The following IP6K2 variants were observed in gnomAD, a reference collection of about 807,000 sequenced individuals.
IP6K2 encodes the protein inositol hexakisphosphate kinase 2.
In IP6K2, 9 loss-of-function variants were observed where a neutral mutation model predicts 43.3. That is an observed-to-expected ratio of 0.21 (90% CI 0.13 to 0.36). The LOEUF (loss-of-function observed/expected upper bound fraction) is 0.36, where lower values mean the gene tolerates loss of function less well. Ranked by LOEUF, IP6K2 falls within the 10% of genes least tolerant of loss-of-function variation. The pLI is 1.00. For missense variants in IP6K2, 332 were observed against 538.4 expected, an observed-to-expected ratio of 0.62 and a Z score of 3.79; for synonymous variants, 209 against 202.4, an observed-to-expected ratio of 1.03 and a Z score of -0.28.
At chr3:48,697,788 C>T (rs963322700) in intron 1 of IP6K2, among the ~76,000 whole-genome samples, 1 of 152,122 alleles carries the variant, frequency 6.6e-6, no homozygotes, top group Admixed American at 6.6e-5. Context: ...AAGGGATCTG[C>T]CTGTCTCAGC....
At chr3:48,691,596 A>C (rs1476970149) in intron 3 of IP6K2, 114 bp from the exon 4 acceptor site, 1 of 689,474 alleles carries the variant, frequency 1.5e-6, no homozygotes, top group Non-Finnish European at 2.4e-6. Flanking sequence ...TGGGCAGATC[A>C]CTTGAGATCA....
chr3:48,701,424 G>C (rs945496965), intron 1 of IP6K2, among the ~76,000 whole-genome samples: 9 of 151,582 alleles, frequency 5.9e-5, no homozygotes, highest in Non-Finnish European at 1.2e-4. Context: ...AAAAGTAGCT[G>C]GGCGTGGTGG....
Position 48,693,093 on chromosome 3 carries a change from C to T in IP6K2, c.289G>A (p.Asp97Asn), listed in dbSNP as rs2077945746. Residue 97 changes from aspartate (D) to asparagine (N), a missense_variant, in exon 3 of 6, where the codon GAC (aspartate) becomes AAC (asparagine). Asp to Asn is a conservative substitution (Grantham distance 23, BLOSUM62 1). Coordinates refer to ENST00000328631, the MANE Select transcript of IP6K2 (RefSeq NM_016291.4). The stretch of plus-strand genomic sequence containing the variant: ...TCACAGTCTGAATTATCTACAATGT[C>T]CACAATTCCATGGTCCCCTTTCAAT... The part of the protein sequence containing the change: ...YPLKGDHGIV[D>N]IVDNSDCEPK... The T allele has an allele frequency of 1.2e-6, 2 of 1,614,014 alleles. No homozygotes were observed. The highest frequency in any genetic ancestry group is 1.3e-5 in the African/African-American group (1 of 74,936).
In IP6K2 at chr3:48,693,118, T is replaced by C. The variant is rs779291348; in HGVS notation, c.264A>G (p.Pro88=). 1.2e-6 allele frequency: 2 copies of C among 1,614,152 alleles called. No individual in the cohort carries two copies. The highest frequency in any genetic ancestry group is 1.3e-5 in the African/African-American group (1 of 74,952). Reference sequence around the variant, plus strand: ...CCACAATTCCATGGTCCCCTTTCAATGGATATGCTATTAGACACAAGTTCC... The same window carrying C: ...CCACAATTCCATGGTCCCCTTTCAACGGATATGCTATTAGACACAAGTTCC... ...EDRNLCLIAY[P]LKGDHGIVDI... is the part of the protein sequence containing the mutation. Residue 88 remains proline (P), a synonymous_variant, in exon 3 of 6, where the codon CCA becomes CCG. Transcript: ENST00000328631.
chr3:48,693,760 G>A, intron 2 of IP6K2: 2 of 1,038,194 alleles, frequency 1.9e-6, no homozygotes, highest in Non-Finnish European at 2.3e-6. Context: ...TAGGCACCCA[G>A]GCCTTTTGTT....
chr3:48,708,432 T>C (rs1178622125), intron 1 of IP6K2, among the ~76,000 whole-genome samples: 1 of 152,072 alleles, frequency 6.6e-6, no homozygotes. Flanking sequence ...GGGCTCACTA[T>C]GTTGCCCAGG....
At chr3:48,706,623 T>C (rs1349526736) in intron 1 of IP6K2, among the ~76,000 whole-genome samples, 1 of 152,094 alleles carries the variant, frequency 6.6e-6, no homozygotes, top group Non-Finnish European at 1.5e-5. Flanking sequence ...GCAGATCACT[T>C]AAGCTCAAGA....
chr3:48,696,209 A>G (rs536449236), intron 1 of IP6K2, among the ~76,000 whole-genome samples: 1 of 151,932 alleles, frequency 6.6e-6, no homozygotes, highest in Admixed American at 6.6e-5. Context: ...TATAAAATGC[A>G]TTTAAATACA....
At chr3:48,694,985 T>C (rs1178519721) in intron 2 of IP6K2, 105 bp downstream of exon 2, 8 of 1,604,462 alleles carry the variant, frequency 5.0e-6, no homozygotes, top group Non-Finnish European at 6.8e-6. Context: ...AAGCACAGAG[T>C]GGGAGGGAGT....
chr3:48,692,671 G>C (rs115878608), intron 3 of IP6K2, among the ~76,000 whole-genome samples: 1,861 of 152,332 alleles, frequency 0.012, 31 homozygotes, highest in African/African-American at 0.042. Context: ...TCCTCTCTTA[G>C]TCACTGCTAC....
chr3:48,689,553 A>G lies in IP6K2; in HGVS notation c.765T>C (p.Arg255=), dbSNP rs2077595023. ...QQSTSAVIGV[R]VCGMQVYQAG... is the part of the protein sequence containing the mutation. ...TCCCCCTCACCTGCATGCCACACAC[A>G]CGCACACCAATGACTGCAGATGTGC... The change falls in exon 5 of 6, where the codon CGT becomes CGC. Residue 255 remains arginine, a synonymous_variant. Transcript: ENST00000328631. The G allele has an allele frequency of 6.2e-7, 1 of 1,613,288 alleles. No individual in the cohort carries two copies. The highest frequency in any genetic ancestry group is 8.5e-7 in the Non-Finnish European group (1 of 1,179,894).
chr3:48,704,773 G>A (rs1003259972), intron 1 of IP6K2, among the ~76,000 whole-genome samples: 1 of 151,050 alleles, frequency 6.6e-6, no homozygotes, highest in Non-Finnish European at 1.5e-5. Flanking sequence ...GCACCGGGCC[G>A]TTTATGATAC....
chr3:48,693,977 G>C, intron 2 of IP6K2: 1 of 1,385,652 alleles, frequency 7.2e-7, no homozygotes, highest in African/African-American at 1.5e-5. Flanking sequence ...AGCAGGTGCC[G>C]ACGAGCGCCT....
In IP6K2 at chr3:48,695,394, C is replaced by T; in HGVS notation, c.-103G>A. The T allele has an allele frequency of 2.1e-6, 3 of 1,457,332 alleles. No individual in the cohort carries two copies. Among genetic ancestry groups the T allele is most frequent in the Middle Eastern group, 1.8e-4 (1 of 5,584 alleles). 90.3% of individuals were successfully genotyped at this position (1,457,332 alleles called of 1,614,324 possible). A position where few individuals can be genotyped will look rare whatever the true frequency, so the allele number is the denominator to read the frequency against. Reference sequence around the variant, plus strand: ...CCGTGTGTCCCTCTCGTCTTGGCTCCTTGGCTTGTTCTGGCCAGGATGCTC... The same window carrying T: ...CCGTGTGTCCCTCTCGTCTTGGCTCTTTGGCTTGTTCTGGCCAGGATGCTC... On this transcript the variant is annotated 5_prime_UTR_variant, in exon 2 of 6. Transcript: ENST00000328631. The surrounding 1 kb of genome is among the most constrained non-coding windows in gnomAD (Gnocchi z 4.6).
chr3:48,707,734 A>C (rs13316551), intron 1 of IP6K2, among the ~76,000 whole-genome samples: 20,288 of 152,180 alleles, frequency 0.13, 1,509 homozygotes, highest in African/African-American at 0.2. Context: ...CACTGCACCC[A>C]GGCTCATTCT....
At chr3:48,701,135 C>T (rs752374188) in intron 1 of IP6K2, among the ~76,000 whole-genome samples, 1 of 151,784 alleles carries the variant, frequency 6.6e-6, no homozygotes, top group African/African-American at 2.4e-5. Flanking sequence ...TTTGGGAGGC[C>T]GAGGCGGGTG....
chr3:48,691,055 T>G (rs2077741142), intron 4 of IP6K2, among the ~76,000 whole-genome samples: 1 of 152,060 alleles, frequency 6.6e-6, no homozygotes, highest in Admixed American at 6.6e-5. Flanking sequence ...AGCTGGCCCC[T>G]TCATGAGGCA....
chr3:48,693,418 G>A (rs912501984), intron 2 of IP6K2: 83 of 1,350,776 alleles, frequency 6.1e-5, no homozygotes, highest in Middle Eastern at 5.5e-4. Flanking sequence ...TGTACTCAAC[G>A]AGGCAAGAGC....
At chr3:48,694,299 G>A (rs993679894) in intron 2 of IP6K2, 13 of 1,551,048 alleles carry the variant, frequency 8.4e-6, no homozygotes, top group Middle Eastern at 1.7e-4. Flanking sequence ...CATCCCCACC[G>A]CAATACACAT....
Sources: allele counts gnomAD v4.1 joint callset (sites outside exome capture counted in the v4.1 genomes callset), GRCh38; gene constraint gnomAD v4.1.1; non-coding constraint Gnocchi (gnomAD v3.1); transcripts MANE v1.5; gene names NCBI Gene and HGNC (gene_info 2026-07-23, HGNC 2026-07-21).